SLCO3A1: variants seen among roughly 807,000 people sequenced by gnomAD.
SLCO3A1 encodes PGE1 transporter.
Under a neutral mutation model 63.1 loss-of-function variants are expected in SLCO3A1, and 27 were observed. The ratio of observed to expected loss-of-function variants is 0.43; its 90% CI spans 0.32 to 0.59. The LOEUF (loss-of-function observed/expected upper bound fraction) is 0.59. Among genes scored for constraint, SLCO3A1 ranks in the 20% least tolerant of loss-of-function variants. SLCO3A1 has a pLI of 0.09. For missense variants in SLCO3A1, 773 were observed against 945.8 expected (o/e 0.82, Z 2.40); for synonymous variants, 473 against 409.9 (o/e 1.15, Z -1.86).
chr15:91,854,220 C>A lies in SLCO3A1; in HGVS notation c.180+132C>A. ...GACCTCGGCCCGGCGTGGAGGTTGG[C>A]GAGTGGTGCAGAGGCGGCCGCCGGG... On this transcript the variant is annotated intron_variant, in intron 1 of 9. Transcript: ENST00000318445. The surrounding 1 kb of genome is among the most constrained non-coding windows in gnomAD (Gnocchi z 6.4). 1 of 1,130,472 alleles carries A rather than the reference C, an allele frequency of 8.8e-7. No homozygotes were observed. The highest frequency in any genetic ancestry group is 1.1e-6 in the Non-Finnish European group (1 of 886,152). 70.0% of individuals were successfully genotyped at this position (1,130,472 alleles called of 1,614,324 possible).
chr15:92,052,375 C>T (rs1376398413), intron 2 of SLCO3A1, among the ~76,000 whole-genome samples: 1 of 152,162 alleles, frequency 6.6e-6, no homozygotes, highest in Non-Finnish European at 1.5e-5. Flanking sequence ...TGTAAGGGAT[C>T]ATATGAATGT....
intron 2 of SLCO3A1, among the ~76,000 whole-genome samples, chr15:92,016,879 G>A (rs2151467666): frequency 6.6e-6 from 1 of 152,304 alleles, no homozygotes; most frequent in Non-Finnish European, 1.5e-5. Context: ...ATCTCAAAGT[G>A]AGTTATGTGG....
At chr15:92,112,666 A>C (rs1443788321) in intron 4 of SLCO3A1, among the ~76,000 whole-genome samples, 1 of 152,240 alleles carries the variant, frequency 6.6e-6, no homozygotes, top group Non-Finnish European at 1.5e-5. Context: ...TTGTACAGGC[A>C]GGGGACATGT....
intron 8 of SLCO3A1, 95 bp downstream of exon 8, chr15:92,147,254 T>C: frequency 7.8e-7 from 1 of 1,283,128 alleles, no homozygotes; most frequent in Non-Finnish European, 1.1e-6. Flanking sequence ...CAGGAATCTC[T>C]CGAACCAGGT....
intron 2 of SLCO3A1, among the ~76,000 whole-genome samples, chr15:92,023,473 C>CTTT (rs542071331): frequency 7.0e-6 from 1 of 143,680 alleles, no homozygotes; most frequent in African/African-American, 2.5e-5. Flanking sequence ...AATTTTTTTT[C>CTTT]TTTTTTTTTT....
chr15:92,026,904 C>G (rs982799456), intron 2 of SLCO3A1, among the ~76,000 whole-genome samples: 2 of 152,162 alleles, frequency 1.3e-5, no homozygotes, highest in African/African-American at 4.8e-5. Flanking sequence ...GCCTGGCCAA[C>G]ATGGTGAAAC....
intron 2 of SLCO3A1, among the ~76,000 whole-genome samples, chr15:92,042,838 G>T (rs115166827): frequency 4.7e-4 from 72 of 152,204 alleles, no homozygotes; most frequent in African/African-American, 1.6e-3. Flanking sequence ...AGTTGATGTC[G>T]TGTTTTGGGA....
chr15:92,169,010 A>C (rs553741533), downstream of SLCO3A1, among the ~76,000 whole-genome samples: 1 of 152,334 alleles, frequency 6.6e-6, no homozygotes, highest in East Asian at 1.9e-4. Context: ...ACCAACACAA[A>C]ACACTGGCAC....
intron 2 of SLCO3A1, among the ~76,000 whole-genome samples, chr15:92,053,490 A>G (rs969988245): frequency 3.3e-5 from 5 of 152,014 alleles, no homozygotes; most frequent in African/African-American, 9.7e-5. Flanking sequence ...TTTTTCGCTA[A>G]TATCATCTGT....
In SLCO3A1 at chr15:92,162,877, G is replaced by A. The variant is rs755672157; in HGVS notation, c.1875G>A (p.Leu625=). Residue 625 remains leucine (L), a synonymous_variant, in exon 10 of 10, where the codon CTG becomes CTA. Transcript: ENST00000318445. ...ACGACAATGTGGTCTACCGATACCT[G>A]TATGTCAGCATCGCCATCGCGCTCA... ...VLYDNVVYRY[L]YVSIAIALKS... 3 of 1,614,214 alleles carry A rather than the reference G, an allele frequency of 1.9e-6. No homozygotes were observed. The highest frequency in any genetic ancestry group is 1.7e-5 in the Admixed American group (1 of 60,026).
In SLCO3A1 at chr15:92,153,300, C is replaced by T. The variant is rs541244664; in HGVS notation, c.1753+2286C>T. On this transcript the variant is annotated intron_variant, in intron 9 of 9. Coordinates refer to ENST00000318445, the MANE Select transcript of SLCO3A1 (RefSeq NM_013272.4). ...CTGTAATAGGTATGACACATTCTGA[C>T]ATTTTCTATTCTAGTCTATTACATG... Among the ~76,000 whole-genome samples the T allele has an allele frequency of 3.9e-5, 6 of 152,062 alleles. No individual in the cohort carries two copies. The East Asian group carries it at 1.2e-3, about 29-fold the overall frequency.
rs1328473790 is a variant in SLCO3A1, at chr15:91,948,414, A to T, written c.646+31956A>T. Among the ~76,000 whole-genome samples, 1 of 152,204 alleles carries T rather than the reference A, an allele frequency of 6.6e-6. No individual in the cohort carries two copies. The highest frequency in any genetic ancestry group is 2.4e-5 in the African/African-American group (1 of 41,456). On this transcript the variant is annotated intron_variant, in intron 2 of 9. Coordinates refer to ENST00000318445, the MANE Select transcript of SLCO3A1 (RefSeq NM_013272.4). This position sits in a 1 kb window ranked among gnomAD's most constrained non-coding sequence, Gnocchi z 4.8. ...CAGCCACAGCATCCTATTCCTGCAG[A>T]TAAGCCTACAGGCTCTGTAGGAGTG...
intron 2 of SLCO3A1, among the ~76,000 whole-genome samples, chr15:92,016,555 T>C (rs1310047059): frequency 6.6e-6 from 1 of 152,030 alleles, no homozygotes; most frequent in Non-Finnish European, 1.5e-5. Context: ...TGGAGGTAGG[T>C]AGTGTGCAGC....
intron 4 of SLCO3A1, among the ~76,000 whole-genome samples, chr15:92,107,802 G>A (rs2047683947): frequency 2.6e-5 from 4 of 152,178 alleles, no homozygotes; most frequent in Non-Finnish European, 4.4e-5. Context: ...AGGAGAGAAG[G>A]GGGCTGTCTG....
chr15:91,998,870 CA>C (rs2046221599), intron 2 of SLCO3A1, among the ~76,000 whole-genome samples: 1 of 152,160 alleles, frequency 6.6e-6, no homozygotes, highest in South Asian at 2.1e-4. Flanking sequence ...TTCACAATAG[CA>C]AAGACATGGA....
At chr15:92,021,153 A>G (rs2046504478) in intron 2 of SLCO3A1, among the ~76,000 whole-genome samples, 1 of 152,194 alleles carries the variant, frequency 6.6e-6, no homozygotes, top group Non-Finnish European at 1.5e-5. Flanking sequence ...TGTTGTCATC[A>G]TCGCATCCTC....
intron 7 of SLCO3A1, among the ~76,000 whole-genome samples, chr15:92,144,024 C>T (rs563930849): frequency 1.3e-5 from 2 of 152,338 alleles, no homozygotes; most frequent in East Asian, 1.9e-4. Flanking sequence ...AAGAAGGCGG[C>T]GCCAAGTCGG....
At chr15:91,958,317 C>G (rs72754091) in intron 2 of SLCO3A1, among the ~76,000 whole-genome samples, 10,854 of 152,066 alleles carry the variant, frequency 0.071, 459 homozygotes, top group Non-Finnish European at 0.09. Context: ...TGTGTTATTC[C>G]AGGATCAACC....
chr15:91,906,090 G>A (rs1898299066), intron 1 of SLCO3A1, among the ~76,000 whole-genome samples: 1 of 152,176 alleles, frequency 6.6e-6, no homozygotes, highest in Non-Finnish European at 1.5e-5. Flanking sequence ...TCTGTAGAAT[G>A]GGATAGTAAT....
Sources: allele counts gnomAD v4.1 joint callset (sites outside exome capture counted in the v4.1 genomes callset), GRCh38; gene constraint gnomAD v4.1.1; non-coding constraint Gnocchi (gnomAD v3.1); transcripts MANE v1.5; gene names NCBI Gene and HGNC (gene_info 2026-07-23, HGNC 2026-07-21).